The following MYLK2 variants were observed in gnomAD, a reference collection of about 807,000 sequenced individuals.
The protein encoded by MYLK2 is myosin light chain kinase 2, skeletal/cardiac muscle.
In MYLK2, 27 loss-of-function variants were observed where a neutral mutation model predicts 58.2. The observed-to-expected ratio is 0.46, with a 90% CI of 0.34 to 0.64. The LOEUF is 0.64. Among genes scored for constraint, MYLK2 ranks in the 30% least tolerant of loss-of-function variants. MYLK2 has a pLI of 0.01. For missense variants in MYLK2, 676 were observed against 764.3 expected, an observed-to-expected ratio of 0.88 and a Z score of 1.36; for synonymous variants, 310 against 296.7, an observed-to-expected ratio of 1.04 and a Z score of -0.46.
intron 4 of MYLK2, 65 bp downstream of exon 4, chr20:31,821,802 G>T: frequency 6.7e-7 from 1 of 1,493,856 alleles, no homozygotes; most frequent in Non-Finnish European, 9.0e-7. Context: ...GGGGCTGTCA[G>T]TCCCAAGTCT....
intron 10 of MYLK2, 40 bp from the exon 11 acceptor site, chr20:31,831,663 C>T (rs781105024): frequency 1.9e-6 from 3 of 1,612,010 alleles, no homozygotes; most frequent in Middle Eastern, 1.7e-4. Flanking sequence ...TCAGCACCTC[C>T]AATCTCACCT....
At chr20:31,823,991 C>G (rs948921732) in intron 5 of MYLK2, 2 of 984,914 alleles carry the variant, frequency 2.0e-6, no homozygotes, top group East Asian at 2.3e-4. Context: ...CTCTAAGGGT[C>G]GCATCCCAGG....
rs1242740760 is a variant in MYLK2, at chr20:31,828,004, C to T, written c.1224+1066C>T. Among the ~76,000 whole-genome samples the T allele has an allele frequency of 4.6e-5, 7 of 151,264 alleles. No homozygotes were observed. The East Asian group carries it at 1.2e-3, about 25-fold the overall frequency. On this transcript the variant is annotated intron_variant, in intron 8 of 12. Transcript: ENST00000375985. The stretch of plus-strand genomic sequence containing the variant: ...CTGGGCTCAAGCAATTCTTTTGCCT[C>T]AGCCTCCCGAGTAGCTGGGATTACA...
rs868117451 is a variant in MYLK2 at position 31,832,057 on chromosome 20, C to A, written c.1631C>A (p.Ala544Glu). The change falls in exon 12 of 13, where the codon GCG (alanine) becomes GAG (glutamate). Residue 544 changes from alanine (A) to glutamate (E), a missense_variant. By Grantham distance (107) the Ala-to-Glu change is moderately radical. This residue lies in a region of MYLK2 where 370 missense variants were observed against 467.8 expected (regional missense o/e 0.79). Transcript: ENST00000375985. ...GCCCATCCCTGGCTCAACAACCTGG[C>A]GGAGAAAGCCAAACGCTGTAACCGA... ...CLAHPWLNNL[A>E]EKAKRCNRRL... is the part of the protein sequence containing the mutation. 1 of 1,606,240 alleles carries A rather than the reference C, an allele frequency of 6.2e-7. No individual in the cohort carries two copies. Among genetic ancestry groups the A allele is most frequent in the Admixed American group, 1.7e-5 (1 of 58,586 alleles).
intron 2 of MYLK2, 130 bp from the exon 3 acceptor site, chr20:31,819,996 C>T: frequency 8.3e-7 from 1 of 1,202,174 alleles, no homozygotes; most frequent in Non-Finnish European, 1.2e-6. Flanking sequence ...GCCCCAGAGA[C>T]TCAGTGGGAC....
At chr20:31,827,151 A>T in intron 8 of MYLK2, 1 of 982,474 alleles carries the variant, frequency 1.0e-6, no homozygotes, top group Non-Finnish European at 1.2e-6. Flanking sequence ...AAAAAAAAAG[A>T]CGTGGTACCA....
At chr20:31,831,616 A>C in intron 10 of MYLK2, 87 bp from the exon 11 acceptor site, 8 of 1,478,098 alleles carry the variant, frequency 5.4e-6, no homozygotes, top group African/African-American at 2.8e-5. Context: ...GCTGCCTCCT[A>C]GGATCTGCCC....
chr20:31,832,479 G>A (rs2062312201), intron 12 of MYLK2, among the ~76,000 whole-genome samples: 1 of 152,196 alleles, frequency 6.6e-6, no homozygotes, highest in Non-Finnish European at 1.5e-5. Flanking sequence ...TTTGGTGAGA[G>A]ATGGGGCATT....
intron 5 of MYLK2, chr20:31,824,057 A>C: frequency 1.0e-6 from 1 of 985,392 alleles, no homozygotes. Context: ...TGGTTCAAAG[A>C]ACCTGCTTCA....
intron 12 of MYLK2, among the ~76,000 whole-genome samples, chr20:31,833,503 C>T (rs931461324): frequency 6.6e-6 from 1 of 152,138 alleles, no homozygotes; most frequent in Non-Finnish European, 1.5e-5. Context: ...TGGAGCAGAG[C>T]GGTCCTTGGT....
Position 31,820,503 on chromosome 20 carries a change from C to G in MYLK2, c.430C>G (p.Pro144Ala), listed in dbSNP as rs34396614. 0.019 allele frequency: 29,903 copies of G among 1,605,850 alleles called. 367 individuals carry two copies. The highest frequency in any genetic ancestry group is 0.023 in the Non-Finnish European group (26,574 of 1,179,976). ...EGQAAARRGSPAFLHSPSCPA... is the reference protein window; with the variant it reads ...EGQAAARRGSAAFLHSPSCPA... ...CCAAGCAGCAGCCAGGAGGGGCTCA[C>G]CTGCCTTTCTGCATAGCCCCAGCTG... The change falls in exon 3 of 13, where the codon CCT becomes GCT. Residue 144 changes from proline to alanine, a missense_variant. Physicochemically the swap from Pro to Ala is conservative, Grantham distance 27. This residue lies in a region of MYLK2 where 306 missense variants were observed against 296.5 expected (regional missense o/e 1.03). Coordinates refer to ENST00000375985, the MANE Select transcript of MYLK2 (RefSeq NM_033118.4).
chr20:31,824,593 G>GAATATCCCATGCCTAAAA, intron 6 of MYLK2: 1 of 981,918 alleles, frequency 1.0e-6, no homozygotes, highest in Non-Finnish European at 1.2e-6. Context: ...TTTTAGGCAT[G>GAATATCCCATGCCTAAAA]GGATATTCAT....
intron 5 of MYLK2, 33 bp downstream of exon 5, chr20:31,823,615 G>C (rs1568629449): frequency 1.3e-6 from 2 of 1,597,794 alleles, no homozygotes; most frequent in Non-Finnish European, 1.7e-6. Flanking sequence ...GGCACTCATG[G>C]ACAGAGAGTA....
chr20:31,830,797 A>C, intron 8 of MYLK2, 22 bp from the exon 9 acceptor site: 1 of 1,613,262 alleles, frequency 6.2e-7, no homozygotes, highest in Non-Finnish European at 8.5e-7. Context: ...AGGCCCACCC[A>C]GGCCACCCCC....
chr20:31,819,978 A>T (rs1418725741), intron 2 of MYLK2, 148 bp from the exon 3 acceptor site: 10 of 1,054,030 alleles, frequency 9.5e-6, no homozygotes, highest in Non-Finnish European at 2.9e-6. Context: ...TCTAGGGGCC[A>T]TCAAGTGGCC....
rs893128442 is a variant in MYLK2 at position 31,828,815 on chromosome 20, A to G, written c.1224+1877A>G. On this transcript the variant is annotated intron_variant, in intron 8 of 12. Transcript: ENST00000375985. Reference sequence around the variant, plus strand: ...ATCACTGCCACTGACAGAGGAGGACACAAACAGGGTGAGGAGGTGGGTTTC... The same window carrying G: ...ATCACTGCCACTGACAGAGGAGGACGCAAACAGGGTGAGGAGGTGGGTTTC... 6.6e-5 allele frequency among the ~76,000 whole-genome samples: 10 copies of G among 152,196 alleles called. 1 individual carries two copies. Among genetic ancestry groups the G allele is most frequent in the South Asian group, 4.1e-4 (2 of 4,832 alleles).
chr20:31,821,792 G>T, intron 4 of MYLK2, 55 bp downstream of exon 4: 1 of 1,518,154 alleles, frequency 6.6e-7, no homozygotes. Flanking sequence ...GGGAGGGAAG[G>T]GGGCTGTCAG....
chr20:31,827,601 C>A lies in MYLK2; in HGVS notation c.1224+663C>A, dbSNP rs978281718. 9.6e-6 allele frequency: 9 copies of A among 937,244 alleles called. No homozygotes were observed. The African/African-American group carries it at 1.6e-4, about 17-fold the overall frequency. 58.1% of individuals were successfully genotyped at this position (937,244 alleles called of 1,614,324 possible). Reference sequence around the variant, plus strand: ...TGGCGCTATCTTGGCTCACTGCAACCTCCGCCTCCTGGGTTCAAGCGATTC... The same window carrying A: ...TGGCGCTATCTTGGCTCACTGCAACATCCGCCTCCTGGGTTCAAGCGATTC... On this transcript the variant is annotated intron_variant, in intron 8 of 12. Coordinates refer to ENST00000375985, the MANE Select transcript of MYLK2 (RefSeq NM_033118.4).
Position 31,832,146 on chromosome 20 carries a change from G to GGT in MYLK2, c.1710+10_1710+11insGT. 1.0e-6 allele frequency: 1 copy of GGT among 993,400 alleles called. No homozygotes were observed. Among genetic ancestry groups the GGT allele is most frequent in the Non-Finnish European group, 1.5e-6 (1 of 659,212 alleles). The allele number at this position is 993,400 out of a possible 1,614,324, so 61.5% of individuals were successfully genotyped here. A position where few individuals can be genotyped will look rare whatever the true frequency, so the allele number is the denominator to read the frequency against. Reference sequence around the variant, plus strand: ...GAAGAGGCGCTGGAAGGTACCGCTGGATTCAGGGTGGGGAGGGAGGGCTTG... The same window carrying GGT: ...GAAGAGGCGCTGGAAGGTACCGCTGGGTATTCAGGGTGGGGAGGGAGGGCTTG... On this transcript the variant is annotated intron_variant, in intron 12 of 12. Coordinates refer to ENST00000375985, the MANE Select transcript of MYLK2 (RefSeq NM_033118.4).
Sources: allele counts gnomAD v4.1 joint callset (sites outside exome capture counted in the v4.1 genomes callset), GRCh38; gene constraint gnomAD v4.1.1; regional missense constraint gnomAD v4.1.1; transcripts MANE v1.5; gene names NCBI Gene and HGNC (gene_info 2026-07-23, HGNC 2026-07-21).